Variants in OLFM2 observed in about 807,000 individuals in gnomAD.
OLFM2 encodes the protein olfactomedin 2.
In OLFM2, 20 loss-of-function variants were observed where a neutral mutation model predicts 43.9. The ratio of observed to expected loss-of-function variants is 0.46; its 90% CI spans 0.32 to 0.66. OLFM2 has a LOEUF of 0.66. OLFM2 is among the 30% of genes least tolerant of loss of function. OLFM2 has a pLI of 0.04. For missense variants in OLFM2, 416 were observed against 643.6 expected (o/e 0.65, Z 3.83); for synonymous variants, 268 against 278.6 (o/e 0.96, Z 0.38).
At chr19:9,935,973 C>T (rs1189527871) in intron 1 of OLFM2, among the ~76,000 whole-genome samples, 1 of 152,148 alleles carries the variant, frequency 6.6e-6, no homozygotes, top group Non-Finnish European at 1.5e-5. Context: ...GCAACCGCCC[C>T]CCTCCAATGC....
intron 1 of OLFM2, among the ~76,000 whole-genome samples, chr19:9,900,117 C>A (rs2046718671): frequency 6.6e-6 from 1 of 152,076 alleles, no homozygotes; most frequent in South Asian, 2.1e-4. Context: ...GCATTCCTTA[C>A]ATAAAGCTCC....
In OLFM2 at chr19:9,900,945, G is replaced by GGGAAGGAAGGAAGGAA. The variant is rs762692609; in HGVS notation, c.63+35343_63+35358dup. On this transcript the variant is annotated intron_variant, in intron 1 of 5. Transcript: ENST00000264833. Reference sequence around the variant, plus strand: ...AAAGGGAAAGGGAAGGGGAGGGAAGGGGAAGGAAGGAAGGAAGGAAGGAAG... The same window carrying GGGAAGGAAGGAAGGAA: ...AAAGGGAAAGGGAAGGGGAGGGAAGGGGAAGGAAGGAAGGAAGGAAGGAAGGAAGGAAGGAAGGAAG... Among the ~76,000 whole-genome samples the GGGAAGGAAGGAAGGAA allele has an allele frequency of 5.5e-3, 104 of 18,934 alleles. 3 individuals are homozygous for GGGAAGGAAGGAAGGAA. Among genetic ancestry groups the GGGAAGGAAGGAAGGAA allele is most frequent in the Non-Finnish European group, 6.6e-3 (65 of 9,822 alleles). The allele number at this position is 18,934 out of a possible 152,430, so 12.4% of individuals were successfully genotyped here.
Position 9,854,952 on chromosome 19 carries a change from T to G in OLFM2, c.688-89A>C. 1 of 1,011,124 alleles carries G rather than the reference T, an allele frequency of 9.9e-7. No homozygotes were observed. The allele number at this position is 1,011,124 out of a possible 1,614,324, so 62.6% of individuals were successfully genotyped here. Reference sequence around the variant, plus strand: ...AGCTACAGCCATTAGAGTTCAACAGTCACTAAGTGGTCATTAGTCATGGGA... The same window carrying G: ...AGCTACAGCCATTAGAGTTCAACAGGCACTAAGTGGTCATTAGTCATGGGA... On this transcript the variant is annotated intron_variant, in intron 5 of 5. Transcript: ENST00000264833. The surrounding 1 kb of genome is among the most constrained non-coding windows in gnomAD (Gnocchi z 9.5).
At position 9,857,066 on chromosome 19, in the gene OLFM2, A is replaced by C; in HGVS notation, c.581-153T>G. On this transcript the variant is annotated intron_variant, in intron 4 of 5. Transcript: ENST00000264833. The surrounding 1 kb of genome is among the most constrained non-coding windows in gnomAD (Gnocchi z 5.7). The stretch of plus-strand genomic sequence containing the variant: ...GGTCCCAATATGTTGTTCAGTTGTG[A>C]GTGAGGGGTTAGAGGCCAAGGGTCA... 1.2e-6 allele frequency: 1 copy of C among 819,992 alleles called. No homozygotes were observed. Among genetic ancestry groups the C allele is most frequent in the Non-Finnish European group, 2.0e-6 (1 of 500,670 alleles). The allele number at this position is 819,992 out of a possible 1,614,324, so 50.8% of individuals were successfully genotyped here.
chr19:9,935,975 C>A (rs549381311), intron 1 of OLFM2, among the ~76,000 whole-genome samples: 35 of 152,286 alleles, frequency 2.3e-4, no homozygotes, highest in African/African-American at 7.7e-4. Flanking sequence ...AACCGCCCCC[C>A]TCCAATGCCC....
intron 1 of OLFM2, among the ~76,000 whole-genome samples, chr19:9,886,443 G>C (rs540472020): frequency 6.6e-6 from 1 of 152,094 alleles, no homozygotes; most frequent in Non-Finnish European, 1.5e-5. Flanking sequence ...CTGACCTCAG[G>C]TGATCTGCCC....
intron 1 of OLFM2, among the ~76,000 whole-genome samples, chr19:9,925,558 C>T (rs1307408023): frequency 6.6e-6 from 1 of 151,828 alleles, no homozygotes; most frequent in Non-Finnish European, 1.5e-5. Flanking sequence ...AAGTAATCCT[C>T]CCACCTCAGC....
At chr19:9,928,225 AC>A (rs1229936572) in intron 1 of OLFM2, among the ~76,000 whole-genome samples, 1 of 150,456 alleles carries the variant, frequency 6.6e-6, no homozygotes, top group Non-Finnish European at 1.5e-5. Flanking sequence ...AAAAAAAAAA[AC>A]AAAATAAAAT....
At chr19:9,889,312 C>T (rs757193732) in intron 1 of OLFM2, among the ~76,000 whole-genome samples, 6 of 151,762 alleles carry the variant, frequency 4.0e-5, no homozygotes, top group Non-Finnish European at 7.4e-5. Flanking sequence ...TGCAGTGGCG[C>T]GATCACAGCA....
At chr19:9,891,067 A>G (rs1243152799) in intron 1 of OLFM2, among the ~76,000 whole-genome samples, 2 of 152,180 alleles carry the variant, frequency 1.3e-5, no homozygotes, top group East Asian at 3.9e-4. Flanking sequence ...TAATCCCAGC[A>G]CTTTGGTAGG....
chr19:9,867,789 C>T (rs753698328), intron 1 of OLFM2, among the ~76,000 whole-genome samples: 5 of 152,078 alleles, frequency 3.3e-5, no homozygotes, highest in Non-Finnish European at 7.4e-5. Context: ...GAATTCAGCC[C>T]ATGGAAACTT....
intron 1 of OLFM2, among the ~76,000 whole-genome samples, chr19:9,920,184 TG>T (rs1427649460): frequency 6.6e-6 from 1 of 151,756 alleles, no homozygotes; most frequent in Admixed American, 6.6e-5. Context: ...GAGACTGAGG[TG>T]GGAGGATCGC....
At position 9,913,693 on chromosome 19, in the gene OLFM2, C is replaced by CG; in HGVS notation, c.63+22610dup. The CG allele has an allele frequency of 2.8e-6, 3 of 1,078,422 alleles. No homozygotes were observed. The South Asian group carries it at 1.0e-4, about 36-fold the overall frequency. 66.8% of individuals were successfully genotyped at this position (1,078,422 alleles called of 1,614,324 possible). A position where few individuals can be genotyped will look rare whatever the true frequency, so the allele number is the denominator to read the frequency against. On this transcript the variant is annotated intron_variant, in intron 1 of 5. Coordinates refer to ENST00000264833, the MANE Select transcript of OLFM2 (RefSeq NM_058164.4). ...GCCCGCCGCGGGGCGCTCGGTCCCT[C>CG]GACACCCAGGCGCCCCGGGGGGGCG...
At chr19:9,864,751 G>A (rs1378825457) in intron 1 of OLFM2, among the ~76,000 whole-genome samples, 2 of 145,570 alleles carry the variant, frequency 1.4e-5, no homozygotes, top group African/African-American at 5.1e-5. Flanking sequence ...TGCCTCCTGA[G>A]TAGCTGGGCC....
rs541352115 is a variant in OLFM2, at chr19:9,884,262, C to T, written c.64-23468G>A. 1.2e-4 allele frequency among the ~76,000 whole-genome samples: 14 copies of T among 119,020 alleles called. No individual in the cohort carries two copies. The East Asian group carries it at 2.9e-3, about 25-fold the overall frequency. The allele number at this position is 119,020 out of a possible 152,430, so 78.1% of individuals were successfully genotyped here. On this transcript the variant is annotated intron_variant, in intron 1 of 5. Coordinates refer to ENST00000264833, the MANE Select transcript of OLFM2 (RefSeq NM_058164.4). ...TCCAGCCTGGGTGACAGAGTGAGAC[C>T]CTGTCTCAAAAATTAAAAAAAAAAA...
At chr19:9,898,376 G>C (rs2046704801) in intron 1 of OLFM2, among the ~76,000 whole-genome samples, 1 of 151,750 alleles carries the variant, frequency 6.6e-6, no homozygotes. Flanking sequence ...GCAAATATTA[G>C]CTGGGTGTGG....
At chr19:9,877,247 A>T (rs969389385) in intron 1 of OLFM2, among the ~76,000 whole-genome samples, 12 of 142,138 alleles carry the variant, frequency 8.4e-5, no homozygotes, top group South Asian at 2.2e-4. Context: ...AAAAAAAAAA[A>T]ATATGGCCAG....
At position 9,901,835 on chromosome 19, in the gene OLFM2, C is replaced by T. The variant is rs531857655; in HGVS notation, c.63+34469G>A. 3.2e-4 allele frequency among the ~76,000 whole-genome samples: 49 copies of T among 152,290 alleles called. 1 individual carries two copies. Among genetic ancestry groups the T allele is most frequent in the African/African-American group, 1.1e-3 (47 of 41,554 alleles). On this transcript the variant is annotated intron_variant, in intron 1 of 5. Coordinates refer to ENST00000264833, the MANE Select transcript of OLFM2 (RefSeq NM_058164.4). The stretch of plus-strand genomic sequence containing the variant: ...GGACATGCCTGTAACTAGCTATGCA[C>T]ATATGTGCACATCAGTGGAAATCCA...
chr19:9,883,404 C>A (rs2046557351), intron 1 of OLFM2, among the ~76,000 whole-genome samples: 1 of 152,040 alleles, frequency 6.6e-6, no homozygotes, highest in South Asian at 2.1e-4. Context: ...CAGGCACGTC[C>A]TCTGCTTGGA....
Sources: gnomAD v4.1 joint callset for allele counts (sites outside exome capture counted in the v4.1 genomes callset) on GRCh38, gnomAD v4.1.1 for gene constraint, Gnocchi (gnomAD v3.1) non-coding constraint, MANE v1.5 for transcripts, NCBI Gene and HGNC (gene_info 2026-07-23, HGNC 2026-07-21) for gene names.